The following NAMPT variants were observed in gnomAD, a reference collection of about 807,000 sequenced individuals.
The protein encoded by NAMPT is NAmPRTase.
Under a neutral mutation model 58.7 loss-of-function variants are expected in NAMPT, and 7 were observed. The observed-to-expected ratio is 0.12, with a 90% CI of 0.07 to 0.22. The LOEUF (loss-of-function observed/expected upper bound fraction) is 0.22, where lower values mean the gene tolerates loss of function less well. Among genes scored for constraint, NAMPT ranks in the 10% least tolerant of loss-of-function variants. The pLI is 1.00. For missense variants in NAMPT, 271 were observed against 567.9 expected (o/e 0.48, Z 5.31); for synonymous variants, 145 against 198.1 (o/e 0.73, Z 2.25).
chr7:106,250,294 C>G lies in NAMPT; in HGVS notation c.*789G>C, dbSNP rs1235877125. 1 of 152,238 alleles carries G rather than the reference C, an allele frequency of 6.6e-6. No individual in the cohort carries two copies. Among genetic ancestry groups the G allele is most frequent in the Non-Finnish European group, 1.5e-5 (1 of 67,882 alleles). 9.4% of individuals were successfully genotyped at this position (152,238 alleles called of 1,614,324 possible). On this transcript the variant is annotated 3_prime_UTR_variant, in exon 11 of 11. Transcript: ENST00000222553. ...TCTAAAAACATTATCTCCTTAAAAT[C>G]TTGAGGTGCATATTAGAGCCACAGG...
At chr7:106,277,218 G>A (rs1369738984) in intron 1 of NAMPT, 39 bp from the exon 2 acceptor site, 3 of 1,513,370 alleles carry the variant, frequency 2.0e-6, no homozygotes, top group African/African-American at 1.4e-5. Context: ...AAACACCGAT[G>A]AGTAGACTAT....
chr7:106,284,725 AGCCCCAGCCCCAACCCCAGCCCCAGCC>A, intron 1 of NAMPT, 76 bp downstream of exon 1: 2 of 183,832 alleles, frequency 1.1e-5, no homozygotes, highest in Non-Finnish European at 1.5e-5. Context: ...CCCTAGCCCC[AGCCCCAGCCCCAACCCCAGCCCCAGCC>A]GCCCCCGCCC....
chr7:106,261,851 T>G, intron 7 of NAMPT, 144 bp from the exon 8 acceptor site: 1 of 821,738 alleles, frequency 1.2e-6, no homozygotes, highest in South Asian at 1.8e-5. Context: ...ATGTATATGC[T>G]CTCTAAAATT....
At chr7:106,258,353 C>CTATCTCCACCA (rs1792245666) in intron 8 of NAMPT, among the ~76,000 whole-genome samples, 1 of 152,228 alleles carries the variant, frequency 6.6e-6, no homozygotes, top group African/African-American at 2.4e-5. Context: ...TGACCTTACT[C>CTATCTCCACCA]TATCTCCACC....
chr7:106,261,539 CTTAA>C, intron 8 of NAMPT, 45 bp downstream of exon 8: 1 of 1,381,150 alleles, frequency 7.2e-7, no homozygotes, highest in Non-Finnish European at 1.0e-6. Context: ...CATAAACAAA[CTTAA>C]TTATAAGAAA....
intron 2 of NAMPT, 60 bp from the exon 3 acceptor site, chr7:106,275,109 C>T (rs1368352314): frequency 9.9e-7 from 1 of 1,009,018 alleles, no homozygotes; most frequent in Non-Finnish European, 1.5e-6. Context: ...AGTTGCTGAA[C>T]TGTCACAGAC....
intron 1 of NAMPT, among the ~76,000 whole-genome samples, chr7:106,281,002 TTG>T (rs1343562934): frequency 6.7e-6 from 1 of 150,346 alleles, no homozygotes; most frequent in Non-Finnish European, 1.5e-5. Flanking sequence ...AACTCTTCAG[TTG>T]TGTGATTAAT....
At chr7:106,268,809 CTCAAAGAGACCTA>C in intron 5 of NAMPT, among the ~76,000 whole-genome samples, 1 of 152,288 alleles carries the variant, frequency 6.6e-6, no homozygotes, top group African/African-American at 2.4e-5. Context: ...CTATTATCTC[CTCAAAGAGACCTA>C]TTTAACAGTG....
intron 8 of NAMPT, among the ~76,000 whole-genome samples, chr7:106,259,597 G>C (rs1358585745): frequency 6.6e-6 from 1 of 151,978 alleles, no homozygotes; most frequent in Non-Finnish European, 1.5e-5. Context: ...GCTAATTTTT[G>C]TATTTTTAGT....
At chr7:106,272,729 T>C in intron 3 of NAMPT, 71 bp from the exon 4 acceptor site, 1 of 1,542,972 alleles carries the variant, frequency 6.5e-7, no homozygotes, top group South Asian at 1.2e-5. Context: ...TTACTAAAGG[T>C]TCTTTACGTT....
chr7:106,274,925 A>G, intron 3 of NAMPT, 21 bp downstream of exon 3: 1 of 1,504,532 alleles, frequency 6.6e-7, no homozygotes, highest in South Asian at 1.2e-5. Flanking sequence ...AAACAGATCA[A>G]AAGATGAAAC....
At chr7:106,276,818 GC>G (rs951619899) in intron 2 of NAMPT, 16 of 458,994 alleles carry the variant, frequency 3.5e-5, no homozygotes, top group Non-Finnish European at 6.3e-5. Flanking sequence ...CTCCAGCCTG[GC>G]CAACAAGAGC....
intron 5 of NAMPT, 42 bp downstream of exon 5, chr7:106,269,112 C>T: frequency 6.4e-7 from 1 of 1,558,944 alleles, no homozygotes; most frequent in Non-Finnish European, 8.7e-7. Context: ...CTCTAACCAA[C>T]AATCCACATT....
At chr7:106,253,191 AATC>A in intron 9 of NAMPT, 40 bp from the exon 10 acceptor site, 1 of 1,596,586 alleles carries the variant, frequency 6.3e-7, no homozygotes, top group Non-Finnish European at 8.5e-7. Context: ...GTAGAAGACT[AATC>A]ATCAGAAATG....
intron 3 of NAMPT, among the ~76,000 whole-genome samples, chr7:106,272,859 A>G (rs1442390262): frequency 6.6e-6 from 1 of 152,244 alleles, no homozygotes; most frequent in Non-Finnish European, 1.5e-5. Flanking sequence ...ACGTACTGAT[A>G]TTAATTTTTA....
upstream of NAMPT, chr7:106,285,229 G>A: frequency 9.8e-7 from 1 of 1,023,396 alleles, no homozygotes; most frequent in Non-Finnish European, 1.2e-6. Context: ...CGGGGAGGAG[G>A]ACGTGATGCA....
At chr7:106,264,504 CCCCAGTTCTGAAATCTGAAA>C in intron 6 of NAMPT, among the ~76,000 whole-genome samples, 1 of 152,080 alleles carries the variant, frequency 6.6e-6, no homozygotes, top group Non-Finnish European at 1.5e-5. Flanking sequence ...AGTTAAGCAT[CCCCAGTTCTGAAATCTGAAA>C]TCCAGTTCTG....
intron 1 of NAMPT, chr7:106,284,315 G>A (rs1213729977): frequency 6.7e-6 from 1 of 150,044 alleles, no homozygotes. Context: ...CCCGCGCCAG[G>A]ACTTCTCCCA....
intron 6 of NAMPT, among the ~76,000 whole-genome samples, chr7:106,268,026 G>A (rs1367353846): frequency 6.6e-6 from 1 of 151,818 alleles, no homozygotes; most frequent in Non-Finnish European, 1.5e-5. Context: ...TTCCTCAACA[G>A]GTCCTGCTTT....
Sources: allele counts gnomAD v4.1 joint callset (sites outside exome capture counted in the v4.1 genomes callset), GRCh38; gene constraint gnomAD v4.1.1; transcripts MANE v1.5; gene names NCBI Gene and HGNC (gene_info 2026-07-23, HGNC 2026-07-21).